The following RYR2 variants were observed in gnomAD, a reference collection of about 807,000 sequenced individuals.
RYR2 encodes ryanodine receptor 2.
In RYR2, 227 loss-of-function variants were observed where a neutral mutation model predicts 601.1. The ratio of observed to expected loss-of-function variants is 0.38; its 90% CI spans 0.34 to 0.42. The LOEUF (loss-of-function observed/expected upper bound fraction) is 0.42, where lower values mean the gene tolerates loss of function less well. Ranked by LOEUF, RYR2 falls within the 10% of genes least tolerant of loss-of-function variation. The pLI is 1.00. For missense variants in RYR2, 4,646 were observed against 6,156.5 expected, an observed-to-expected ratio of 0.75 and a Z score of 8.21; for synonymous variants, 2,223 against 2,175.1, an observed-to-expected ratio of 1.02 and a Z score of -0.61.
intron 1 of RYR2, among the ~76,000 whole-genome samples, chr1:237,043,212 G>T (rs899953732): frequency 6.6e-6 from 1 of 152,312 alleles, no homozygotes; most frequent in Admixed American, 6.5e-5. Flanking sequence ...TGGTCCCCGC[G>T]GTTCCCGGGG....
At chr1:237,690,061 T>A (rs1573533484) in intron 63 of RYR2, among the ~76,000 whole-genome samples, 1 of 152,290 alleles carries the variant, frequency 6.6e-6, no homozygotes, top group African/African-American at 2.4e-5. Flanking sequence ...GGTCTCGAAC[T>A]CCTGACTTCA....
chr1:237,335,575 G>A (rs1408305650), intron 3 of RYR2, among the ~76,000 whole-genome samples: 4 of 152,150 alleles, frequency 2.6e-5, no homozygotes, highest in Non-Finnish European at 5.9e-5. Flanking sequence ...TACACGTTGA[G>A]TGTCCTTTCT....
At chr1:237,115,239 C>CA (rs902557483) in intron 1 of RYR2, among the ~76,000 whole-genome samples, 14 of 151,996 alleles carry the variant, frequency 9.2e-5, no homozygotes, top group African/African-American at 2.2e-4. Flanking sequence ...AAACCACACC[C>CA]CCCCCCTTGC....
chr1:237,462,000 T>G (rs1403780833), intron 16 of RYR2, among the ~76,000 whole-genome samples: 1 of 152,188 alleles, frequency 6.6e-6, no homozygotes, highest in Non-Finnish European at 1.5e-5. Flanking sequence ...TTGAATTCAT[T>G]GTAATCATAA....
At chr1:237,787,618 A>G (rs1213275819) in intron 91 of RYR2, among the ~76,000 whole-genome samples, 1 of 149,158 alleles carries the variant, frequency 6.7e-6, no homozygotes, top group African/African-American at 2.5e-5. Context: ...AAAAAAAAAA[A>G]GGATTGAAAT....
intron 2 of RYR2, among the ~76,000 whole-genome samples, chr1:237,311,630 C>T (rs113414490): frequency 4.6e-4 from 70 of 152,088 alleles, no homozygotes; most frequent in African/African-American, 1.5e-3. Context: ...TAGGTGTGTG[C>T]CACCACAACC....
Position 237,106,157 on chromosome 1 carries a change from A to G in RYR2, c.48+63588A>G, listed in dbSNP as rs1668658054. Among the ~76,000 whole-genome samples, 1 of 152,114 alleles carries G rather than the reference A, an allele frequency of 6.6e-6. No individual in the cohort carries two copies. The highest frequency in any genetic ancestry group is 2.1e-4 in the South Asian group (1 of 4,826). On this transcript the variant is annotated intron_variant, in intron 1 of 104. Transcript: ENST00000366574. This position sits in a 1 kb window ranked among gnomAD's most constrained non-coding sequence, Gnocchi z 4.4. The stretch of plus-strand genomic sequence containing the variant: ...CTTTTAGCCATATGGGAGTCATTGC[A>G]ATCCTTTGAGCTGAGGGGTAGCTCG...
rs1695446262 is a variant in RYR2, at chr1:237,785,149, T to C, written c.13260+177T>C. The C allele has an allele frequency of 4.8e-6, 3 of 625,812 alleles. No individual in the cohort carries two copies. In the African/African-American group the frequency reaches 5.5e-5, roughly 11 times the overall value. The allele number at this position is 625,812 out of a possible 1,614,324, so 38.8% of individuals were successfully genotyped here. A position where few individuals can be genotyped will look rare whatever the true frequency, so the allele number is the denominator to read the frequency against. On this transcript the variant is annotated intron_variant, in intron 90 of 104. Transcript: ENST00000366574. ...AGTGTTTTTAAGAGTCCTTATGAAT[T>C]ATTAAATTATCTTAAACTATTATGG...
At position 237,678,089 on chromosome 1, in the gene RYR2, C is replaced by A. The variant is rs1444337902; in HGVS notation, c.8872C>A (p.Gln2958Lys). ...CAAAGGAGAACATTTCCCTTATGAA[C>A]AAGAAATCAAGTTCTTTGCAAAAGT... ...RGKGEHFPYEQEIKFFAKVVL... is the reference protein window; with the variant it reads ...RGKGEHFPYEKEIKFFAKVVL... Residue 2958 changes from glutamine to lysine, a missense_variant, in exon 61 of 105, where the codon CAA becomes AAA. This residue lies in a region of RYR2 where 1,497 missense variants were observed against 1,842.6 expected (regional missense o/e 0.81). Coordinates refer to ENST00000366574, the MANE Select transcript of RYR2 (RefSeq NM_001035.3). 4 of 1,602,386 alleles carry A rather than the reference C, an allele frequency of 2.5e-6. No individual in the cohort carries two copies. Among genetic ancestry groups the A allele is most frequent in the Admixed American group, 3.4e-5 (2 of 59,458 alleles).
At chr1:237,556,899 A>C (rs1346097228) in intron 27 of RYR2, among the ~76,000 whole-genome samples, 1 of 96,040 alleles carries the variant, frequency 1.0e-5, no homozygotes, top group African/African-American at 3.4e-5. Flanking sequence ...AAAAAAAAAA[A>C]AAAAAAAAAA....
chr1:237,657,889 G>C, intron 53 of RYR2, 55 bp from the exon 54 acceptor site: 3 of 961,078 alleles, frequency 3.1e-6, no homozygotes, highest in Non-Finnish European at 4.7e-6. Context: ...TTATTAATAT[G>C]ATTTCCTGTA....
chr1:237,104,759 C>G (rs1668482670), intron 1 of RYR2, among the ~76,000 whole-genome samples: 1 of 152,176 alleles, frequency 6.6e-6, no homozygotes, highest in African/African-American at 2.4e-5. Context: ...GCCTAGACCC[C>G]CATCTCCCTA....
intron 64 of RYR2, 23 bp from the exon 65 acceptor site, chr1:237,700,206 G>A (rs1687843741): frequency 1.5e-6 from 2 of 1,321,408 alleles, no homozygotes; most frequent in Non-Finnish European, 2.1e-6. Flanking sequence ...GAAGATACGA[G>A]TCCTCCCTTA....
intron 98 of RYR2, among the ~76,000 whole-genome samples, chr1:237,804,236 C>T (rs1336545266): frequency 1.3e-5 from 2 of 151,770 alleles, no homozygotes; most frequent in African/African-American, 2.4e-5. Context: ...CCACACTTTT[C>T]CAACTTGGTC....
In RYR2 at chr1:237,659,906, C is replaced by T. The variant is rs1265134072; in HGVS notation, c.8209-79C>T. The stretch of plus-strand genomic sequence containing the variant: ...CATTTTAGGTTTATTTTATCAAACA[C>T]GCACTTAAACACCTGCATATCTACA... On this transcript the variant is annotated intron_variant, in intron 54 of 104. Coordinates refer to ENST00000366574, the MANE Select transcript of RYR2 (RefSeq NM_001035.3). 2.3e-5 allele frequency: 19 copies of T among 809,078 alleles called. 1 individual carries two copies. Among genetic ancestry groups the T allele is most frequent in the South Asian group, 1.6e-4 (8 of 50,628 alleles). The allele number at this position is 809,078 out of a possible 1,614,324, so 50.1% of individuals were successfully genotyped here.
intron 2 of RYR2, among the ~76,000 whole-genome samples, chr1:237,329,962 A>G (rs549742928): frequency 8.8e-4 from 134 of 152,372 alleles, no homozygotes; most frequent in Non-Finnish European, 1.7e-3. Flanking sequence ...TCCAACTTGA[A>G]TAAAACAAAG....
intron 24 of RYR2, among the ~76,000 whole-genome samples, chr1:237,513,408 A>G (rs1315030528): frequency 6.6e-6 from 1 of 152,192 alleles, no homozygotes; most frequent in African/African-American, 2.4e-5. Context: ...AAGAGTAGTA[A>G]GGAGTTATTT....
intron 26 of RYR2, 82 bp from the exon 27 acceptor site, chr1:237,550,462 A>T (rs1423097587): frequency 1.3e-6 from 2 of 1,489,534 alleles, no homozygotes; most frequent in Admixed American, 2.1e-5. Context: ...CATGGAATTT[A>T]AAGTTTGATG....
intron 35 of RYR2, among the ~76,000 whole-genome samples, chr1:237,608,834 A>C (rs1382276067): frequency 1.4e-5 from 2 of 145,946 alleles, no homozygotes; most frequent in Non-Finnish European, 3.0e-5. Context: ...AAATTGGACA[A>C]GGAGTTGTAG....
Sources: gnomAD v4.1 joint callset for allele counts (sites outside exome capture counted in the v4.1 genomes callset) on GRCh38, gnomAD v4.1.1 for gene constraint, gnomAD v4.1.1 regional missense constraint, Gnocchi (gnomAD v3.1) non-coding constraint, MANE v1.5 for transcripts, NCBI Gene and HGNC (gene_info 2026-07-23, HGNC 2026-07-21) for gene names.